The following PREX2 variants were observed in gnomAD, a reference collection of about 807,000 sequenced individuals.
The protein encoded by PREX2 is phosphatidylinositol 3,4,5-trisphosphate-dependent Rac exchanger 2 protein.
In PREX2, 107 loss-of-function variants were observed where a neutral mutation model predicts 203.2. That is an observed-to-expected ratio of 0.53 (90% CI 0.45 to 0.62). The LOEUF is 0.62. PREX2 is among the 20% of genes least tolerant of loss of function. The probability of loss-of-function intolerance (pLI) is 0.00; values close to 1 mark genes in which losing one functional copy is unlikely to be tolerated. For missense variants in PREX2, 1,777 were observed against 1,955.9 expected (o/e 0.91, Z 1.72); for synonymous variants, 672 against 663.6 (o/e 1.01, Z -0.19).
intron 14 of PREX2, among the ~76,000 whole-genome samples, chr8:68,073,109 A>T (rs1411176874): frequency 1.3e-5 from 2 of 151,764 alleles, no homozygotes; most frequent in Non-Finnish European, 2.9e-5. Context: ...GCTTATAAGT[A>T]AAAAAAATTA....
chr8:68,179,105 A>C (rs1389536887), intron 35 of PREX2, among the ~76,000 whole-genome samples: 1 of 152,204 alleles, frequency 6.6e-6, no homozygotes. Context: ...GTGCAACCGC[A>C]TGTGACTTGT....
At chr8:68,099,907 A>C (rs1311143658) in intron 23 of PREX2, 64 bp downstream of exon 23, 3 of 1,361,244 alleles carry the variant, frequency 2.2e-6, no homozygotes, top group Non-Finnish European at 3.1e-6. Flanking sequence ...GTCAAATTTA[A>C]ATCAATTTTT....
chr8:68,069,162 C>A, intron 12 of PREX2, 26 bp downstream of exon 12: 3 of 1,047,684 alleles, frequency 2.9e-6, no homozygotes, highest in African/African-American at 1.6e-5. Context: ...ACAACCTCTC[C>A]AATAGTAGAA....
chr8:68,137,974 A>G (rs1811146833), intron 32 of PREX2, among the ~76,000 whole-genome samples: 1 of 152,182 alleles, frequency 6.6e-6, no homozygotes, highest in South Asian at 2.1e-4. Flanking sequence ...ATGAATATGA[A>G]TAAGTTATCT....
At chr8:67,959,683 G>A (rs770162626) in intron 1 of PREX2, among the ~76,000 whole-genome samples, 1 of 152,112 alleles carries the variant, frequency 6.6e-6, no homozygotes, top group Non-Finnish European at 1.5e-5. Context: ...CTAAGAATGG[G>A]CAAGCTGTCA....
intron 23 of PREX2, chr8:68,106,071 T>C: frequency 4.1e-6 from 1 of 241,938 alleles, no homozygotes; most frequent in South Asian, 4.6e-5. Context: ...GGGCAAGGGC[T>C]ATATCTCCAG....
intron 8 of PREX2, among the ~76,000 whole-genome samples, chr8:68,048,128 A>G (rs925433708): frequency 5.3e-5 from 8 of 152,158 alleles, no homozygotes; most frequent in African/African-American, 9.6e-5. Context: ...TTTCCATTCA[A>G]CCATTCTTCA....
intron 1 of PREX2, among the ~76,000 whole-genome samples, chr8:68,014,958 C>T (rs778420197): frequency 1.3e-5 from 2 of 152,096 alleles, no homozygotes; most frequent in East Asian, 3.9e-4. Context: ...AAGTTTGAAA[C>T]CCACTAGCAT....
At chr8:68,103,342 A>G (rs1810317386) in intron 23 of PREX2, among the ~76,000 whole-genome samples, 1 of 152,238 alleles carries the variant, frequency 6.6e-6, no homozygotes, top group Non-Finnish European at 1.5e-5. Flanking sequence ...GCAAAATAGT[A>G]GCTTACCATT....
intron 18 of PREX2, among the ~76,000 whole-genome samples, chr8:68,086,708 C>T (rs959233147): frequency 1.3e-5 from 2 of 151,874 alleles, no homozygotes; most frequent in African/African-American, 2.4e-5. Flanking sequence ...ACTGGTTTGC[C>T]GTGACAGCTT....
rs559490533 is a variant in PREX2, at chr8:67,972,548, T to C, written c.141+20013T>C. On this transcript the variant is annotated intron_variant, in intron 1 of 39. Transcript: ENST00000288368. ...AAGCTAGGCTCCTGAAGGTTCCCCG[T>C]GACTATCTTTTAACCATACCTCTTA... is the stretch of plus-strand genomic sequence containing the variant. 2.6e-5 allele frequency among the ~76,000 whole-genome samples: 4 copies of C among 152,252 alleles called. No individual in the cohort carries two copies. In the East Asian group the frequency reaches 7.7e-4, roughly 29 times the overall value.
At chr8:67,952,721 T>G in intron 1 of PREX2, 186 bp downstream of exon 1, 1 of 782,442 alleles carries the variant, frequency 1.3e-6, no homozygotes, top group South Asian at 1.5e-5. Flanking sequence ...GGGGATTTGT[T>G]GGTGCCCCGA....
At position 68,192,580 on chromosome 8, in the gene PREX2, G is replaced by A. The variant is rs879517731; in HGVS notation, c.4604+55G>A. 8.9e-5 allele frequency: 123 copies of A among 1,378,220 alleles called. 2 individuals carry two copies. In the Middle Eastern group the frequency reaches 2.7e-3, roughly 30 times the overall value. The allele number at this position is 1,378,220 out of a possible 1,614,324, so 85.4% of individuals were successfully genotyped here. Reference sequence around the variant, plus strand: ...TTTGTTAGATCACACTTTATTTGATGGTTTTTGTTTACATTTTGGCTTCAC... The same window carrying A: ...TTTGTTAGATCACACTTTATTTGATAGTTTTTGTTTACATTTTGGCTTCAC... On this transcript the variant is annotated intron_variant, in intron 37 of 39. Transcript: ENST00000288368.
intron 35 of PREX2, among the ~76,000 whole-genome samples, chr8:68,188,956 G>A (rs1467079679): frequency 1.3e-5 from 2 of 152,198 alleles, no homozygotes; most frequent in African/African-American, 4.8e-5. Flanking sequence ...TGCTAGAGAT[G>A]CAGAAATGAA....
At chr8:68,098,562 A>G (rs1229107474) in intron 22 of PREX2, among the ~76,000 whole-genome samples, 5 of 152,110 alleles carry the variant, frequency 3.3e-5, no homozygotes, top group African/African-American at 9.7e-5. Flanking sequence ...GTTTGGAACC[A>G]GGTTATTATA....
chr8:67,952,590 C>G (rs1299648702), intron 1 of PREX2, 55 bp downstream of exon 1: 1 of 1,578,144 alleles, frequency 6.3e-7, no homozygotes, highest in Non-Finnish European at 8.6e-7. Flanking sequence ...GGCGCGGGTC[C>G]CGGAGTGGCT....
rs189792341 is a variant in PREX2 at position 67,994,789 on chromosome 8, T to C, written c.142-23057T>C. ...TGACTTCACCATGAGGTCCAGGCAA[T>C]GAGTTAACACATATTTATTGACCTA... On this transcript the variant is annotated intron_variant, in intron 1 of 39. Coordinates refer to ENST00000288368, the MANE Select transcript of PREX2 (RefSeq NM_024870.4). Among the ~76,000 whole-genome samples the C allele has an allele frequency of 3.0e-4, 45 of 152,280 alleles. No homozygotes were observed. The East Asian group carries it at 5.4e-3, about 18-fold the overall frequency.
intron 11 of PREX2, among the ~76,000 whole-genome samples, chr8:68,064,431 C>G (rs927587643): frequency 6.6e-6 from 1 of 152,006 alleles, no homozygotes; most frequent in South Asian, 2.1e-4. Flanking sequence ...GCCAGTGGTG[C>G]GATCATGGCT....
intron 37 of PREX2, among the ~76,000 whole-genome samples, chr8:68,194,691 C>T (rs892357338): frequency 2.0e-5 from 3 of 151,628 alleles, no homozygotes; most frequent in African/African-American, 4.8e-5. Context: ...GTCCCAGCTA[C>T]TCGGGAGGCT....
Sources: allele counts gnomAD v4.1 joint callset (sites outside exome capture counted in the v4.1 genomes callset), GRCh38; gene constraint gnomAD v4.1.1; transcripts MANE v1.5; gene names NCBI Gene and HGNC (gene_info 2026-07-23, HGNC 2026-07-21).